Variants in CDH18 observed in about 807,000 individuals in gnomAD.
The protein encoded by CDH18 is cadherin-18.
In CDH18, 31 loss-of-function variants were observed where a neutral mutation model predicts 67.9. That is an observed-to-expected ratio of 0.46 (90% CI 0.34 to 0.62). CDH18 has a LOEUF of 0.62. Ranked by LOEUF, CDH18 falls within the 20% of genes least tolerant of loss-of-function variation. The pLI is 0.01. For synonymous variants in CDH18, 362 were observed against 347.2 expected (o/e 1.04, Z -0.48); for missense variants, 890 against 975.5 (o/e 0.91, Z 1.17).
At chr5:19,838,359 A>T (rs1335015216) in intron 3 of CDH18, among the ~76,000 whole-genome samples, 1 of 152,166 alleles carries the variant, frequency 6.6e-6, no homozygotes, top group Non-Finnish European at 1.5e-5. Context: ...CATGTGCAGG[A>T]GCAATATGTG....
chr5:20,403,928 T>C lies in CDH18; in HGVS notation c.-579-148423A>G, dbSNP rs1234818463. On this transcript the variant is annotated intron_variant, in intron 1 of 14. Coordinates refer to the CDH18 transcript ENST00000507958. Reference sequence around the variant, plus strand: ...ATATAAGACGGTTTCCCTACATTGATAATCTGTTGTTTTGTGTAACCATTT... The same window carrying C: ...ATATAAGACGGTTTCCCTACATTGACAATCTGTTGTTTTGTGTAACCATTT... 2.6e-5 allele frequency among the ~76,000 whole-genome samples: 4 copies of C among 152,360 alleles called. No individual in the cohort carries two copies. The South Asian group carries it at 8.3e-4, about 32-fold the overall frequency.
At chr5:19,951,430 G>A (rs1795773280) in intron 2 of CDH18, among the ~76,000 whole-genome samples, 1 of 152,052 alleles carries the variant, frequency 6.6e-6, no homozygotes, top group South Asian at 2.1e-4. Context: ...CAAATATGTA[G>A]ATGAGTAATT....
intron 2 of CDH18, among the ~76,000 whole-genome samples, chr5:19,917,849 T>A (rs1792001012): frequency 6.6e-6 from 1 of 152,196 alleles, no homozygotes; most frequent in Non-Finnish European, 1.5e-5. Context: ...CCATTTTTAT[T>A]ATTTAGCTCC....
chr5:20,008,919 C>A (rs116393037), intron 2 of CDH18, among the ~76,000 whole-genome samples: 2 of 152,094 alleles, frequency 1.3e-5, no homozygotes, highest in African/African-American at 4.8e-5. Context: ...TAAGGAAAAG[C>A]TCCTATCTAA....
intron 7 of CDH18, among the ~76,000 whole-genome samples, chr5:19,572,547 C>T (rs1051928288): frequency 1.3e-5 from 2 of 152,156 alleles, no homozygotes; most frequent in African/African-American, 2.4e-5. Flanking sequence ...CACTGGGTGG[C>T]TTAAGCCAAC....
At chr5:20,237,019 T>A (rs1430938102) in intron 2 of CDH18, among the ~76,000 whole-genome samples, 1 of 152,006 alleles carries the variant, frequency 6.6e-6, no homozygotes, top group African/African-American at 2.4e-5. Flanking sequence ...GAATGCAAGC[T>A]AGATTTCTCA....
At chr5:19,642,691 A>G (rs1304351869) in intron 5 of CDH18, among the ~76,000 whole-genome samples, 1 of 152,074 alleles carries the variant, frequency 6.6e-6, no homozygotes. Context: ...TTAAAGATTT[A>G]AAGGTGAGAC....
At chr5:20,317,885 C>T (rs1165397882) in intron 1 of CDH18, among the ~76,000 whole-genome samples, 1 of 152,154 alleles carries the variant, frequency 6.6e-6, no homozygotes, top group Non-Finnish European at 1.5e-5. Context: ...CTTCTAGCCC[C>T]ATGCAATGTT....
chr5:20,247,532 G>A (rs757427452), intron 2 of CDH18, among the ~76,000 whole-genome samples: 10 of 152,026 alleles, frequency 6.6e-5, no homozygotes, highest in East Asian at 1.9e-4. Flanking sequence ...TTTGGAGGGC[G>A]AAATGGGTGG....
rs568991812 is a variant in CDH18, at chr5:20,251,554, T to G, written c.-518+3890A>C. On this transcript the variant is annotated intron_variant, in intron 2 of 14. Coordinates refer to the CDH18 transcript ENST00000507958. Reference sequence around the variant, plus strand: ...GCAATAGGGATATGTTCTGAGCCTATGTAATAGAAACATTCAACCTTGCTA... The same window carrying G: ...GCAATAGGGATATGTTCTGAGCCTAGGTAATAGAAACATTCAACCTTGCTA... Among the ~76,000 whole-genome samples, 10 of 152,352 alleles carry G rather than the reference T, an allele frequency of 6.6e-5. No homozygotes were observed. The East Asian group carries it at 1.7e-3, about 26-fold the overall frequency.
chr5:20,574,174 A>G (rs998678913), intron 1 of CDH18, among the ~76,000 whole-genome samples: 2 of 151,692 alleles, frequency 1.3e-5, no homozygotes, highest in East Asian at 3.9e-4. Flanking sequence ...TCTCGCATTT[A>G]GAAGACAAAA....
intron 3 of CDH18, among the ~76,000 whole-genome samples, chr5:19,772,154 C>A (rs992058100): frequency 2.0e-5 from 3 of 152,168 alleles, no homozygotes; most frequent in African/African-American, 7.2e-5. Context: ...CTGATTGTCA[C>A]TCTTTTTCCT....
intron 2 of CDH18, among the ~76,000 whole-genome samples, chr5:19,851,767 GTA>G (rs978183526): frequency 6.6e-6 from 1 of 151,252 alleles, no homozygotes; most frequent in Non-Finnish European, 1.5e-5. Flanking sequence ...GTGTGTGTGT[GTA>G]TATATATATT....
intron 2 of CDH18, among the ~76,000 whole-genome samples, chr5:20,225,971 G>C (rs1378120138): frequency 6.6e-6 from 1 of 152,076 alleles, no homozygotes; most frequent in Non-Finnish European, 1.5e-5. Flanking sequence ...GCAGTGCCAG[G>C]ACAGGACTAT....
chr5:19,707,008 C>T (rs560966896), intron 5 of CDH18, among the ~76,000 whole-genome samples: 6 of 152,180 alleles, frequency 3.9e-5, no homozygotes, highest in East Asian at 3.9e-4. Context: ...TGGAGAGATC[C>T]GATAACAAAA....
chr5:20,529,304 C>A (rs1000172048), intron 1 of CDH18, among the ~76,000 whole-genome samples: 19 of 151,690 alleles, frequency 1.3e-4, no homozygotes, highest in Non-Finnish European at 2.8e-4. Flanking sequence ...GGATTTACAG[C>A]TGAATTCTAC....
chr5:20,532,251 A>T (rs1035283022), intron 1 of CDH18, among the ~76,000 whole-genome samples: 3 of 152,122 alleles, frequency 2.0e-5, no homozygotes, highest in Non-Finnish European at 4.4e-5. Context: ...CTTGCTTCAG[A>T]TATCAGATTT....
At chr5:20,262,997 G>GGGGAGGGGA (rs1212604512) in intron 1 of CDH18, among the ~76,000 whole-genome samples, 1 of 141,202 alleles carries the variant, frequency 7.1e-6, no homozygotes, top group East Asian at 2.2e-4. Context: ...AGGGAGGGAA[G>GGGGAGGGGA]GGGAGGGGAG....
At chr5:19,719,126 G>T (rs1260756047) in intron 5 of CDH18, among the ~76,000 whole-genome samples, 2 of 151,894 alleles carry the variant, frequency 1.3e-5, no homozygotes, top group Non-Finnish European at 2.9e-5. Context: ...ACACAAAATT[G>T]ATGTTTGTTA....
Sources: allele counts gnomAD v4.1 joint callset (sites outside exome capture counted in the v4.1 genomes callset), GRCh38; gene constraint gnomAD v4.1.1; transcripts MANE v1.5; gene names NCBI Gene and HGNC (gene_info 2026-07-23, HGNC 2026-07-21).